The following DGAT1 variants were observed in gnomAD, a reference collection of about 807,000 sequenced individuals.
DGAT1 encodes the protein ACAT related gene product 1.
DGAT1 carries 60 observed loss-of-function variants against 72.6 expected under a neutral mutation model. The ratio of observed to expected loss-of-function variants is 0.83; its 90% CI spans 0.67 to 1.02. The LOEUF (loss-of-function observed/expected upper bound fraction) is 1.02, where lower values mean the gene tolerates loss of function less well. Ranked by LOEUF, DGAT1 falls within the 50% of genes least tolerant of loss-of-function variation. DGAT1 has a pLI of 0.00. For synonymous variants in DGAT1, 290 were observed against 267.5 expected (o/e 1.08, Z -0.82); for missense variants, 592 against 670.0 (o/e 0.88, Z 1.29).
chr8:144,315,124 T>C lies in DGAT1; in HGVS notation c.*1430A>G, dbSNP rs1366547536. 1.8e-5 allele frequency: 18 copies of C among 985,390 alleles called. No individual in the cohort carries two copies. The highest frequency in any genetic ancestry group is 2.2e-5 in the Non-Finnish European group (18 of 829,978). The allele number at this position is 985,390 out of a possible 1,614,324, so 61.0% of individuals were successfully genotyped here. A position where few individuals can be genotyped will look rare whatever the true frequency, so the allele number is the denominator to read the frequency against. ...CCTGGTGGAGGAAGGGAAGGGGGCC[T>C]GCGCTGGGCAGTGGAGCAGGCTTTG... is the stretch of plus-strand genomic sequence containing the variant. On this transcript the variant is annotated 3_prime_UTR_variant, in exon 17 of 17. Coordinates refer to ENST00000528718, the MANE Select transcript of DGAT1 (RefSeq NM_012079.6).
At chr8:144,317,873 C>A (rs782511616) in intron 9 of DGAT1, 41 bp downstream of exon 9, 1 of 1,571,140 alleles carries the variant, frequency 6.4e-7, no homozygotes, top group Non-Finnish European at 8.6e-7. Context: ...AGCCAGAAGG[C>A]CCCCTAGCCT....
In DGAT1 at chr8:144,315,633, G is replaced by C. The variant is rs1465604998; in HGVS notation, c.*921C>G. 1 of 984,810 alleles carries C rather than the reference G, an allele frequency of 1.0e-6. No individual in the cohort carries two copies. The highest frequency in any genetic ancestry group is 1.2e-6 in the Non-Finnish European group (1 of 829,356). 61.0% of individuals were successfully genotyped at this position (984,810 alleles called of 1,614,324 possible). On this transcript the variant is annotated 3_prime_UTR_variant, in exon 17 of 17. Coordinates refer to ENST00000528718, the MANE Select transcript of DGAT1 (RefSeq NM_012079.6). ...ATCTATCCAGCTTGGTGGATTGCAG[G>C]GCCTGGGAACAAGGTGTCCTGAAGG...
At position 144,315,790 on chromosome 8, in the gene DGAT1, G is replaced by A. The variant is rs1817186396; in HGVS notation, c.*764C>T. ...GCCACCAGCCCACCTGGCTGCCCAG[G>A]TTCCAAGTGAAGGAAAGAGGCTGCC... On this transcript the variant is annotated 3_prime_UTR_variant, in exon 17 of 17. Transcript: ENST00000528718. 2.1e-6 allele frequency: 2 copies of A among 966,702 alleles called. No homozygotes were observed. The highest frequency in any genetic ancestry group is 4.8e-5 in the South Asian group (1 of 20,866). The allele number at this position is 966,702 out of a possible 1,614,324, so 59.9% of individuals were successfully genotyped here. A position where few individuals can be genotyped will look rare whatever the true frequency, so the allele number is the denominator to read the frequency against.
At position 144,317,588 on chromosome 8, in the gene DGAT1, C is replaced by A. The variant is rs782751829; in HGVS notation, c.937G>T (p.Asp313Tyr). 1.7e-5 allele frequency: 28 copies of A among 1,613,768 alleles called. No individual in the cohort carries two copies. Among genetic ancestry groups the A allele is most frequent in the Non-Finnish European group, 2.4e-5 (28 of 1,180,030 alleles). ...TIQNSMKPFK[D>Y]MDYSRIIERL... ...TCGATGATGCGTGAGTAGTCCATGT[C>A]CTGCAGAAACAAGCCCTTCAGCTAG... Residue 313 changes from aspartate (D) to tyrosine (Y), a missense_variant and splice_region_variant, in exon 12 of 17, where the codon GAC (aspartate) becomes TAC (tyrosine). Physicochemically the swap from Asp to Tyr is radical, Grantham distance 160. Transcript: ENST00000528718.
Position 144,318,133 on chromosome 8 carries a change from G to C in DGAT1, c.713C>G (p.Pro238Arg). The C allele has an allele frequency of 6.4e-7, 1 of 1,556,382 alleles. No homozygotes were observed. The highest frequency in any genetic ancestry group is 8.7e-7 in the Non-Finnish European group (1 of 1,150,858). The change falls in exon 8 of 17, where the codon CCG (proline) becomes CGG (arginine). Residue 238 changes from proline (P) to arginine (R), a missense_variant. Pro to Arg is a moderately radical substitution (Grantham distance 103). Transcript: ENST00000528718. ...ATTGTCCGGGTAGCTCACGGTGTGC[G>C]GGGCAGCAGCACTGCTGGCCTTCTT... Reference protein sequence around the residue: ...AGKKASSAAAPHTVSYPDNLT... With the variant: ...AGKKASSAAARHTVSYPDNLT...
intron 16 of DGAT1, 50 bp downstream of exon 16, chr8:144,316,803 C>G (rs782319053): frequency 6.3e-7 from 1 of 1,598,322 alleles, no homozygotes; most frequent in South Asian, 1.1e-5. Flanking sequence ...CCGAGGGGTT[C>G]AGGTGCGGGG....
At chr8:144,317,737 C>T in intron 10 of DGAT1, 25 bp from the exon 11 acceptor site, 1 of 1,613,678 alleles carries the variant, frequency 6.2e-7, no homozygotes, top group Middle Eastern at 1.7e-4. Flanking sequence ...ACCACGTCAG[C>T]TCCCAGCCAT....
intron 2 of DGAT1, 70 bp downstream of exon 2, chr8:144,321,251 A>G: frequency 6.7e-7 from 1 of 1,481,804 alleles, no homozygotes; most frequent in East Asian, 2.3e-5. Flanking sequence ...GCCTGTTCTC[A>G]GGCAAAGGCC....
At position 144,317,264 on chromosome 8, in the gene DGAT1, G is replaced by A. The variant is rs782545194; in HGVS notation, c.1095-12C>T. 11 of 1,610,952 alleles carry A rather than the reference G, an allele frequency of 6.8e-6. No homozygotes were observed. The highest frequency in any genetic ancestry group is 1.7e-4 in the Middle Eastern group (1 of 6,056). ...CAGACTCGGAGTTCCTGGGGGCCAA[G>A]AGACCACAGGGGGATCAGAGCACAC... On this transcript the variant is annotated splice_polypyrimidine_tract_variant and intron_variant, in intron 13 of 16. Coordinates refer to ENST00000528718, the MANE Select transcript of DGAT1 (RefSeq NM_012079.6).
chr8:144,320,426 G>A (rs1369805829), intron 2 of DGAT1, among the ~76,000 whole-genome samples: 2 of 152,204 alleles, frequency 1.3e-5, no homozygotes, highest in African/African-American at 4.8e-5. Flanking sequence ...GCCACCCCCA[G>A]GGAACCTTCT....
rs1160701795 is a variant in DGAT1 at position 144,318,635 on chromosome 8, G to C, written c.468+64C>G. On this transcript the variant is annotated intron_variant, in intron 5 of 16. Coordinates refer to ENST00000528718, the MANE Select transcript of DGAT1 (RefSeq NM_012079.6). ...GGGAGAGGGCTGCCAGGCCTGGGGA[G>C]CAGCTCCTCCCAGGAGCGCACACAG... is the stretch of plus-strand genomic sequence containing the variant. 3 of 1,604,218 alleles carry C rather than the reference G, an allele frequency of 1.9e-6. No homozygotes were observed. The African/African-American group carries it at 4.0e-5, about 21-fold the overall frequency.
At position 144,318,183 on chromosome 8, in the gene DGAT1, A is replaced by G; in HGVS notation, c.677-14T>C. 1.2e-6 allele frequency: 2 copies of G among 1,608,616 alleles called. No homozygotes were observed. The highest frequency in any genetic ancestry group is 1.7e-6 in the Non-Finnish European group (2 of 1,177,334). On this transcript the variant is annotated splice_polypyrimidine_tract_variant and intron_variant, in intron 7 of 16. Coordinates refer to ENST00000528718, the MANE Select transcript of DGAT1 (RefSeq NM_012079.6). Reference sequence around the variant, plus strand: ...TCCCTGCAGAGGCTACGAGCACAGCAGAGTGGGAGGGGGCTGGTGGGGCCC... The same window carrying G: ...TCCCTGCAGAGGCTACGAGCACAGCGGAGTGGGAGGGGGCTGGTGGGGCCC...
chr8:144,323,763 G>A (rs907105603), intron 1 of DGAT1, among the ~76,000 whole-genome samples: 13 of 152,142 alleles, frequency 8.5e-5, no homozygotes, highest in African/African-American at 3.1e-4. Context: ...ATGCCCACCC[G>A]CCACCCTGTC....
In DGAT1 at chr8:144,317,268, C is replaced by G. The variant is rs782682001; in HGVS notation, c.1095-16G>C. ...CTCGGAGTTCCTGGGGGCCAAGAGACCACAGGGGGATCAGAGCACACCATG... is the reference window on the plus strand; with the variant it reads ...CTCGGAGTTCCTGGGGGCCAAGAGAGCACAGGGGGATCAGAGCACACCATG... On this transcript the variant is annotated splice_polypyrimidine_tract_variant and intron_variant, in intron 13 of 16. Coordinates refer to ENST00000528718, the MANE Select transcript of DGAT1 (RefSeq NM_012079.6). 2 of 1,611,614 alleles carry G rather than the reference C, an allele frequency of 1.2e-6. No individual in the cohort carries two copies. The highest frequency in any genetic ancestry group is 1.3e-5 in the African/African-American group (1 of 74,986).
Position 144,314,815 on chromosome 8 carries a change from G to A in DGAT1, c.*1739C>T. ...GGGCACAGAAGGGCCGGGCTGCAGT[G>A]GCCTCCTGGGGGAAGACGGATGCTT... On this transcript the variant is annotated 3_prime_UTR_variant, in exon 17 of 17. Transcript: ENST00000528718. The A allele has an allele frequency of 1.3e-6, 1 of 779,158 alleles. No homozygotes were observed. The highest frequency in any genetic ancestry group is 1.6e-6 in the Non-Finnish European group (1 of 639,082). The allele number at this position is 779,158 out of a possible 1,614,324, so 48.3% of individuals were successfully genotyped here.
Position 144,319,055 on chromosome 8 carries a change from G to A in DGAT1, c.302C>T (p.Ala101Val). The change falls in exon 3 of 17, where the codon GCC (alanine) becomes GTC (valine). Residue 101 changes from alanine (A) to valine (V), a missense_variant. Transcript: ENST00000528718. ...WCVVMLILSN[A>V]RLFLENLIKY... Reference sequence around the variant, plus strand: ...GATGAGGTTCTCCAGAAATAACCGGGCATTGCTCAAGATCTGCGAGGGATG... The same window carrying A: ...GATGAGGTTCTCCAGAAATAACCGGACATTGCTCAAGATCTGCGAGGGATG... The A allele has an allele frequency of 6.4e-7, 1 of 1,556,156 alleles. No homozygotes were observed. Among genetic ancestry groups the A allele is most frequent in the Non-Finnish European group, 8.7e-7 (1 of 1,149,718 alleles).
At position 144,317,524 on chromosome 8, in the gene DGAT1, C is replaced by G. The variant is rs781977918; in HGVS notation, c.981+20G>C. 1.2e-6 allele frequency: 2 copies of G among 1,613,684 alleles called. No individual in the cohort carries two copies. Among genetic ancestry groups the G allele is most frequent in the African/African-American group, 2.7e-5 (2 of 74,902 alleles). ...ACTGTCCCCTCCTGTCCTGTGCATGCGCCACCTGTCCGCACTCACCGCCAG... is the reference window on the plus strand; with the variant it reads ...ACTGTCCCCTCCTGTCCTGTGCATGGGCCACCTGTCCGCACTCACCGCCAG... On this transcript the variant is annotated intron_variant, in intron 12 of 16. Transcript: ENST00000528718.
Position 144,316,881 on chromosome 8 carries a change from A to G in DGAT1, c.1283T>C (p.Leu428Pro). The G allele has an allele frequency of 6.2e-7, 1 of 1,611,800 alleles. No homozygotes were observed. Among genetic ancestry groups the G allele is most frequent in the Non-Finnish European group, 8.5e-7 (1 of 1,179,486 alleles). Residue 428 changes from leucine to proline, a missense_variant, in exon 16 of 17, where the codon CTC becomes CCC. Leu to Pro is a moderately conservative substitution (Grantham distance 98). Coordinates refer to ENST00000528718, the MANE Select transcript of DGAT1 (RefSeq NM_012079.6). The part of the protein sequence containing the change: ...LVSVPLRMFR[L>P]WAFTGMMAQI... ...AGCCATCATGCCCGTGAACGCCCAG[A>G]GGCGGAACATTCGCAGAGGGACGCT... is the stretch of plus-strand genomic sequence containing the variant.
rs369275636 is a variant in DGAT1, at chr8:144,318,837, A to G, written c.413T>C (p.Ile138Thr). Reference sequence around the variant, plus strand: ...GCCCTCCTCAGAGCCCAGCTCACCAATAACCAGGCATGGGGCGGGCCAGCT... The same window carrying G: ...GCCCTCCTCAGAGCCCAGCTCACCAGTAACCAGGCATGGGGCGGGCCAGCT... The part of the protein sequence containing the change: ...PYSWPAPCLV[I>T]AANVFAVAAF... Residue 138 changes from isoleucine to threonine, a missense_variant and splice_region_variant, in exon 4 of 17, where the codon ATT becomes ACT. Ile to Thr is a moderately conservative substitution (Grantham distance 89). Transcript: ENST00000528718. 3.7e-6 allele frequency: 6 copies of G among 1,611,956 alleles called. No individual in the cohort carries two copies. The highest frequency in any genetic ancestry group is 5.1e-6 in the Non-Finnish European group (6 of 1,179,150).
Sources: allele counts gnomAD v4.1 joint callset (sites outside exome capture counted in the v4.1 genomes callset), GRCh38; gene constraint gnomAD v4.1.1; transcripts MANE v1.5; gene names NCBI Gene and HGNC (gene_info 2026-07-23, HGNC 2026-07-21).